Variants in FBN2 observed in about 807,000 individuals in gnomAD.
The protein encoded by FBN2 is fibrillin 2.
FBN2 carries 105 observed loss-of-function variants against 355.6 expected under a neutral mutation model. That is an observed-to-expected ratio of 0.30 (90% confidence interval 0.25 to 0.35). The LOEUF (loss-of-function observed/expected upper bound fraction) is 0.35. Ranked by LOEUF, FBN2 falls within the 10% of genes least tolerant of loss-of-function variation. FBN2 has a pLI of 1.00. For synonymous variants in FBN2, 1,350 were observed against 1,301.2 expected (o/e 1.04, Z -0.81); for missense variants, 3,280 against 3,758.7 (o/e 0.87, Z 3.33).
rs773175830 is a variant in FBN2 at position 128,272,000 on chromosome 5, G to T, written c.7959C>A (p.Val2653=). The T allele has an allele frequency of 6.2e-7, 1 of 1,613,790 alleles. No individual in the cohort carries two copies. The highest frequency in any genetic ancestry group is 8.5e-7 in the Non-Finnish European group (1 of 1,179,828). ...YIQHYQWNQC[V]DENECSNPNA... is the part of the protein sequence containing the mutation. ...GCGATGGAAGAAAAGAGCACTCACC[G>T]ACACACTGATTCCACTGGTAGTGCT... is the stretch of plus-strand genomic sequence containing the variant. The change falls in exon 62 of 65, where the codon GTC becomes GTA. Residue 2653 remains valine, a splice_region_variant and synonymous_variant. Transcript: ENST00000262464.
At chr5:128,443,848 GT>G (rs1416859903) in intron 7 of FBN2, among the ~76,000 whole-genome samples, 1 of 151,992 alleles carries the variant, frequency 6.6e-6, no homozygotes, top group African/African-American at 2.4e-5. Flanking sequence ...ACCTTTGATA[GT>G]TGATCAAAAG....
At chr5:128,480,668 C>G (rs1476166395) in intron 5 of FBN2, among the ~76,000 whole-genome samples, 1 of 152,006 alleles carries the variant, frequency 6.6e-6, no homozygotes, top group Non-Finnish European at 1.5e-5. Flanking sequence ...CAAGATTGCG[C>G]CATTGCAGTG....
At chr5:128,269,880 T>C (rs996068193) in intron 62 of FBN2, among the ~76,000 whole-genome samples, 1 of 152,114 alleles carries the variant, frequency 6.6e-6, no homozygotes, top group Non-Finnish European at 1.5e-5. Flanking sequence ...AGAGCGTGTA[T>C]AGCCAAGATA....
intron 5 of FBN2, among the ~76,000 whole-genome samples, chr5:128,515,236 T>C (rs896359303): frequency 6.6e-6 from 1 of 152,142 alleles, no homozygotes; most frequent in African/African-American, 2.4e-5. Context: ...TCCTGAAGTA[T>C]GGGTGAATAA....
intron 6 of FBN2, among the ~76,000 whole-genome samples, chr5:128,452,695 T>C (rs934085979): frequency 4.6e-5 from 7 of 152,218 alleles, no homozygotes; most frequent in Non-Finnish European, 1.0e-4. Flanking sequence ...GATCCATTTC[T>C]AATTTTAATT....
At chr5:128,527,075 T>C (rs1035193626) in intron 4 of FBN2, among the ~76,000 whole-genome samples, 2 of 152,100 alleles carry the variant, frequency 1.3e-5, no homozygotes, top group Non-Finnish European at 2.9e-5. Flanking sequence ...CAGGTAAAAA[T>C]GCAAATAAAG....
chr5:128,379,643 T>G (rs976324151), intron 11 of FBN2, among the ~76,000 whole-genome samples: 1 of 152,092 alleles, frequency 6.6e-6, no homozygotes, highest in Non-Finnish European at 1.5e-5. Flanking sequence ...GCAAACCCAT[T>G]GCAGGATTCA....
chr5:128,408,482 T>C (rs1752987469), intron 8 of FBN2, among the ~76,000 whole-genome samples, 192 bp downstream of exon 8: 1 of 152,222 alleles, frequency 6.6e-6, no homozygotes, highest in Non-Finnish European at 1.5e-5. Context: ...CAAACCCAGT[T>C]GGATTCTGAA....
At chr5:128,500,593 T>C (rs112387807) in intron 5 of FBN2, among the ~76,000 whole-genome samples, 18,410 of 151,762 alleles carry the variant, frequency 0.12, 1,517 homozygotes, top group African/African-American at 0.23. Context: ...TACAGGCGCC[T>C]GCCACCGCAC....
At position 128,289,229 on chromosome 5, in the gene FBN2, G is replaced by T; in HGVS notation, c.6535C>A (p.Pro2179Thr). ...REDVNECLES[P>T]GICSNGQCIN... ...CATTGACCATTTGAACAAATGCCTGGGCTCTCAAGACACTCATTGACATCT... is the reference window on the plus strand; with the variant it reads ...CATTGACCATTTGAACAAATGCCTGTGCTCTCAAGACACTCATTGACATCT... The change falls in exon 52 of 65, where the codon CCA becomes ACA. Residue 2179 changes from proline to threonine, a missense_variant. Pro to Thr is a conservative substitution (Grantham distance 38). Transcript: ENST00000262464. The T allele has an allele frequency of 6.2e-7, 1 of 1,613,686 alleles. No individual in the cohort carries two copies. Among genetic ancestry groups the T allele is most frequent in the Non-Finnish European group, 8.5e-7 (1 of 1,179,668 alleles).
intron 11 of FBN2, among the ~76,000 whole-genome samples, chr5:128,384,179 G>C (rs534038339): frequency 4.6e-5 from 7 of 151,990 alleles, no homozygotes; most frequent in Admixed American, 2.0e-4. Context: ...AAAGAAATCA[G>C]ACAAAAGTCA....
chr5:128,384,172 G>A (rs866417987), intron 11 of FBN2, among the ~76,000 whole-genome samples: 1 of 151,932 alleles, frequency 6.6e-6, no homozygotes, highest in Non-Finnish European at 1.5e-5. Context: ...CTGAGTAAAA[G>A]AAATCAGACA....
At position 128,473,797 on chromosome 5, in the gene FBN2, G is replaced by C. The variant is rs544532392; in HGVS notation, c.629-8876C>G. ...CTCCATCTAGCCGTGTTACACCAGGGAGAAATTATCTCTGTGCATTGAGAG... is the reference window on the plus strand; with the variant it reads ...CTCCATCTAGCCGTGTTACACCAGGCAGAAATTATCTCTGTGCATTGAGAG... On this transcript the variant is annotated intron_variant, in intron 5 of 64. Transcript: ENST00000262464. 2.0e-5 allele frequency among the ~76,000 whole-genome samples: 3 copies of C among 152,282 alleles called. No homozygotes were observed. In the East Asian group the frequency reaches 5.8e-4, roughly 29 times the overall value.
chr5:128,305,455 G>A (rs890922723), intron 44 of FBN2, 56 bp downstream of exon 44: 56 of 1,600,680 alleles, frequency 3.5e-5, no homozygotes, highest in Admixed American at 1.7e-4. Context: ...TTTTTTGATA[G>A]GAAATCTAAG....
intron 34 of FBN2, among the ~76,000 whole-genome samples, chr5:128,323,221 C>T (rs1359071107): frequency 6.6e-6 from 1 of 152,166 alleles, no homozygotes; most frequent in African/African-American, 2.4e-5. Context: ...AATTTGACTT[C>T]CTCTTTTCCT....
intron 20 of FBN2, among the ~76,000 whole-genome samples, chr5:128,353,355 A>G (rs1046142694): frequency 6.6e-6 from 1 of 152,166 alleles, no homozygotes; most frequent in Non-Finnish European, 1.5e-5. Context: ...AAACAAAACA[A>G]TTCTCTCCTG....
intron 5 of FBN2, among the ~76,000 whole-genome samples, chr5:128,469,881 T>C (rs976909267): frequency 3.3e-5 from 5 of 152,168 alleles, no homozygotes; most frequent in African/African-American, 1.2e-4. Context: ...TTTTTCAACA[T>C]GTTACACTGA....
chr5:128,426,360 AT>A (rs1753483450), intron 7 of FBN2, among the ~76,000 whole-genome samples: 2 of 152,138 alleles, frequency 1.3e-5, no homozygotes, highest in Admixed American at 1.3e-4. Flanking sequence ...CTGTTTGATG[AT>A]TTATGCAAAA....
At chr5:128,463,953 A>G (rs957888008) in intron 6 of FBN2, among the ~76,000 whole-genome samples, 2 of 152,238 alleles carry the variant, frequency 1.3e-5, no homozygotes, top group Non-Finnish European at 2.9e-5. Context: ...GGCAACTGCC[A>G]TTTAAGAAGT....
Sources: allele counts gnomAD v4.1 joint callset (sites outside exome capture counted in the v4.1 genomes callset), GRCh38; gene constraint gnomAD v4.1.1; transcripts MANE v1.5; gene names NCBI Gene and HGNC (gene_info 2026-07-23, HGNC 2026-07-21).